The following GNAL variants were observed in gnomAD, a reference collection of about 807,000 sequenced individuals.
The protein encoded by GNAL is G protein subunit alpha L.
GNAL carries 18 observed loss-of-function variants against 55.1 expected under a neutral mutation model. The ratio of observed to expected loss-of-function variants is 0.33; its 90% CI spans 0.23 to 0.48. GNAL has a LOEUF of 0.48. GNAL is among the 20% of genes least tolerant of loss of function. The pLI, the probability that GNAL is intolerant of heterozygous loss-of-function variation, is 0.99. For missense variants in GNAL, 412 were observed against 614.1 expected, an observed-to-expected ratio of 0.67 and a Z score of 3.48; for synonymous variants, 253 against 237.0, an observed-to-expected ratio of 1.07 and a Z score of -0.62.
At chr18:11,693,819 C>A (rs914801736) in intron 1 of GNAL, among the ~76,000 whole-genome samples, 2 of 146,502 alleles carry the variant, frequency 1.4e-5, no homozygotes, top group Non-Finnish European at 3.0e-5. Flanking sequence ...AAGTTGAAGA[C>A]CAGCCTGGGC....
At chr18:11,717,143 C>G (rs887899211) in intron 1 of GNAL, among the ~76,000 whole-genome samples, 1 of 152,242 alleles carries the variant, frequency 6.6e-6, no homozygotes, top group Non-Finnish European at 1.5e-5. Context: ...GCTGCTGGCC[C>G]AGGTGCTAAG....
chr18:11,875,654 T>C (rs2036513797), intron 10 of GNAL, among the ~76,000 whole-genome samples: 3 of 152,128 alleles, frequency 2.0e-5, no homozygotes, highest in Non-Finnish European at 4.4e-5. Context: ...ATTGGAAGCT[T>C]CCTGAGGCCT....
chr18:11,751,672 G>C lies in GNAL; in HGVS notation c.377-1181G>C, dbSNP rs867440799. 100 of 985,172 alleles carry C rather than the reference G, an allele frequency of 1.0e-4. No homozygotes were observed. The African/African-American group carries it at 1.5e-3, about 15-fold the overall frequency. The allele number at this position is 985,172 out of a possible 1,614,324, so 61.0% of individuals were successfully genotyped here. On this transcript the variant is annotated intron_variant, in intron 1 of 11. Transcript: ENST00000334049. The surrounding 1 kb of genome is among the most constrained non-coding windows in gnomAD (Gnocchi z 4.5). ...AGCCAGGCGGCCGCGGCGCAGCGGA[G>C]GGGCTGCGGGCCCGGAACCCAGGCC... is the stretch of plus-strand genomic sequence containing the variant.
intron 4 of GNAL, among the ~76,000 whole-genome samples, chr18:11,776,078 T>TA (rs1343242177): frequency 1.3e-5 from 2 of 152,208 alleles, no homozygotes; most frequent in African/African-American, 4.8e-5. Context: ...AACTGATAGC[T>TA]AAAAAATCAA....
Position 11,781,069 on chromosome 18 carries a change from G to A in GNAL, c.624+27124G>A, listed in dbSNP as rs78567292. On this transcript the variant is annotated intron_variant, in intron 4 of 11. Transcript: ENST00000334049. ...CAAGATAAATTTTAAATATCAACCA[G>A]TGAATGATGATAGTGCTGACCAGAA... Among the ~76,000 whole-genome samples, 1,118 of 152,314 alleles carry A rather than the reference G, an allele frequency of 7.3e-3. 7 individuals are homozygous for A. The highest frequency in any genetic ancestry group is 0.025 in the African/African-American group (1,058 of 41,570).
intron 1 of GNAL, among the ~76,000 whole-genome samples, chr18:11,693,399 A>T (rs1240270712): frequency 1.3e-5 from 2 of 150,958 alleles, no homozygotes; most frequent in East Asian, 3.9e-4. Context: ...GGGGGAGTGT[A>T]TTGTATGTAT....
At chr18:11,720,244 T>C (rs1317178910) in intron 1 of GNAL, among the ~76,000 whole-genome samples, 1 of 152,210 alleles carries the variant, frequency 6.6e-6, no homozygotes, top group Admixed American at 6.5e-5. Context: ...TGTAGATACT[T>C]ACATAAGAGG....
At position 11,824,967 on chromosome 18, in the gene GNAL, C is replaced by T; in HGVS notation, c.674C>T (p.Ala225Val). 1 of 1,608,378 alleles carries T rather than the reference C, an allele frequency of 6.2e-7. No individual in the cohort carries two copies. Residue 225 changes from alanine (A) to valine (V), a missense_variant, in exon 5 of 12, where the codon GCA becomes GTA. Ala to Val is a moderately conservative substitution (Grantham distance 64). Coordinates refer to ENST00000334049, the MANE Select transcript of GNAL (RefSeq NM_182978.4). ...CTTTGGGACGATGAAGGCGTGAAGG[C>T]ATGCTTTGAGAGATCCAACGAATAC... is the stretch of plus-strand genomic sequence containing the variant. Reference protein sequence around the residue: ...KKLWDDEGVKACFERSNEYQL... With the variant: ...KKLWDDEGVKVCFERSNEYQL...
intron 4 of GNAL, among the ~76,000 whole-genome samples, chr18:11,770,735 A>C (rs190117176): frequency 6.6e-6 from 1 of 152,336 alleles, no homozygotes; most frequent in Non-Finnish European, 1.5e-5. Flanking sequence ...TAAATAATCT[A>C]AATTTTAGAT....
chr18:11,879,811 T>A (rs1204407348), intron 11 of GNAL, among the ~76,000 whole-genome samples: 1 of 152,178 alleles, frequency 6.6e-6, no homozygotes, highest in Non-Finnish European at 1.5e-5. Flanking sequence ...AGGTACTTGA[T>A]AACAGATCAC....
intron 1 of GNAL, among the ~76,000 whole-genome samples, chr18:11,743,168 G>A (rs1290907868): frequency 6.6e-6 from 1 of 152,088 alleles, no homozygotes; most frequent in Non-Finnish European, 1.5e-5. Flanking sequence ...GCTAGTTCTA[G>A]GATTCATGTG....
intron 4 of GNAL, among the ~76,000 whole-genome samples, chr18:11,792,595 C>T (rs2034269393): frequency 6.6e-6 from 1 of 152,250 alleles, no homozygotes; most frequent in South Asian, 2.1e-4. Context: ...GTCCTAGACA[C>T]ATAATCTGCA....
rs532591358 is a variant in GNAL, at chr18:11,766,302, A to G, written c.624+12357A>G. On this transcript the variant is annotated intron_variant, in intron 4 of 11. Coordinates refer to ENST00000334049, the MANE Select transcript of GNAL (RefSeq NM_182978.4). ...AATCTCATACTTTTTTTATCCTGTC[A>G]TCTTCATGGCATAAATGGAATTAAA... Among the ~76,000 whole-genome samples, 6 of 152,286 alleles carry G rather than the reference A, an allele frequency of 3.9e-5. No homozygotes were observed. The South Asian group carries it at 1.0e-3, about 26-fold the overall frequency.
chr18:11,705,851 G>A (rs12969552), intron 1 of GNAL, among the ~76,000 whole-genome samples: 71,147 of 150,422 alleles, frequency 0.47, 20,352 homozygotes, highest in Non-Finnish European at 0.62. Context: ...CGCCTCCCAG[G>A]TCCAGGCGAT....
chr18:11,779,871 T>G (rs1426740145), intron 4 of GNAL, among the ~76,000 whole-genome samples: 2 of 152,216 alleles, frequency 1.3e-5, no homozygotes, highest in Non-Finnish European at 2.9e-5. Context: ...CTACAAAAAT[T>G]TAATTGTGCA....
chr18:11,851,804 C>G (rs1193683005), intron 5 of GNAL: 2 of 1,613,880 alleles, frequency 1.2e-6, no homozygotes, highest in Non-Finnish European at 1.7e-6. Context: ...GTGGTTAAGT[C>G]GATGGATGCG....
chr18:11,851,385 C>A (rs1411887124), intron 5 of GNAL: 5 of 1,236,882 alleles, frequency 4.0e-6, no homozygotes, highest in Non-Finnish European at 5.4e-6. Context: ...CCACCTGCGC[C>A]GCTCACAGTA....
At position 11,870,742 on chromosome 18, in the gene GNAL, A is replaced by T. The variant is rs74342890; in HGVS notation, c.1032-1526A>T. On this transcript the variant is annotated intron_variant, in intron 9 of 11. Coordinates refer to ENST00000334049, the MANE Select transcript of GNAL (RefSeq NM_182978.4). ...ACATACATATATAGTTAGAAATCAA[A>T]GTTTCTTCTGAAATATTTTGGAAGA... Among the ~76,000 whole-genome samples, 1,022 of 152,264 alleles carry T rather than the reference A, an allele frequency of 6.7e-3. 8 individuals are homozygous for T. The highest frequency in any genetic ancestry group is 0.023 in the African/African-American group (950 of 41,540).
intron 5 of GNAL, among the ~76,000 whole-genome samples, chr18:11,839,647 T>G (rs1023660445): frequency 6.6e-5 from 10 of 151,386 alleles, no homozygotes; most frequent in Non-Finnish European, 1.0e-4. Context: ...GGGCAAAAAG[T>G]GGAAACAACC....
Sources: allele counts gnomAD v4.1 joint callset (sites outside exome capture counted in the v4.1 genomes callset), GRCh38; gene constraint gnomAD v4.1.1; non-coding constraint Gnocchi (gnomAD v3.1); transcripts MANE v1.5; gene names NCBI Gene and HGNC (gene_info 2026-07-23, HGNC 2026-07-21).